Variants in SCHIP1 observed in about 807,000 individuals in gnomAD.
The protein encoded by SCHIP1 is schwannomin interacting protein 1.
SCHIP1 carries 8 observed loss-of-function variants against 29.7 expected under a neutral mutation model. The observed-to-expected ratio is 0.27, with a 90% CI of 0.16 to 0.49. SCHIP1 has a LOEUF of 0.49. Ranked by LOEUF, SCHIP1 falls within the 20% of genes least tolerant of loss-of-function variation. The pLI is 0.99. For synonymous variants in SCHIP1, 76 were observed against 94.9 expected (o/e 0.80, Z 1.16); for missense variants, 193 against 294.6 (o/e 0.66, Z 2.52).
At chr3:159,314,705 C>T in the SCHIP1 span, among the ~76,000 whole-genome samples, 3 of 152,200 alleles carry the variant, frequency 2.0e-5, no homozygotes, top group Admixed American at 6.5e-5. Flanking sequence ...TATTACTAAG[C>T]TGTCATTCCA....
chr3:159,684,072 C>A, the SCHIP1 span, among the ~76,000 whole-genome samples: 1 of 152,150 alleles, frequency 6.6e-6, no homozygotes, highest in African/African-American at 2.4e-5. Context: ...GGGCTTTGAG[C>A]ACACCTTTTA....
chr3:159,704,417 TAAAAAA>T, the SCHIP1 span, among the ~76,000 whole-genome samples: 10 of 92,642 alleles, frequency 1.1e-4, no homozygotes, highest in African/African-American at 3.7e-4. Flanking sequence ...CAATTTTTTC[TAAAAAA>T]AAAAAAAAAA....
chr3:159,463,034 C>T, the SCHIP1 span, among the ~76,000 whole-genome samples: 6 of 151,544 alleles, frequency 4.0e-5, no homozygotes, highest in South Asian at 6.3e-4. Context: ...TATATAGACA[C>T]GGAAAGTCTA....
At chr3:159,568,022 G>A in the SCHIP1 span, among the ~76,000 whole-genome samples, 5 of 151,982 alleles carry the variant, frequency 3.3e-5, no homozygotes, top group Non-Finnish European at 7.4e-5. Flanking sequence ...TACAGATTTT[G>A]TTAGATTTAT....
chr3:159,879,770 AACCAAC>A (rs1293811058), intron 2 of SCHIP1, among the ~76,000 whole-genome samples: 1 of 152,234 alleles, frequency 6.6e-6, no homozygotes, highest in African/African-American at 2.4e-5. Flanking sequence ...GTAGAATTAG[AACCAAC>A]AGCCGTCTGA....
chr3:159,380,909 G>A, the SCHIP1 span, among the ~76,000 whole-genome samples: 1 of 152,118 alleles, frequency 6.6e-6, no homozygotes, highest in African/African-American at 2.4e-5. Context: ...AGTAAAAGAC[G>A]TGTTGTATAT....
At chr3:159,480,956 ACAGT>A in the SCHIP1 span, among the ~76,000 whole-genome samples, 1 of 152,058 alleles carries the variant, frequency 6.6e-6, no homozygotes, top group Non-Finnish European at 1.5e-5. Context: ...GTGGAAAATT[ACAGT>A]CAAAGGGGGT....
the SCHIP1 span, among the ~76,000 whole-genome samples, chr3:159,684,550 A>G: frequency 6.6e-6 from 1 of 152,142 alleles, no homozygotes; most frequent in Admixed American, 6.6e-5. Flanking sequence ...TCATGCCTGT[A>G]ATCCCAGCAC....
the SCHIP1 span, among the ~76,000 whole-genome samples, chr3:159,468,899 TG>T: frequency 6.6e-6 from 1 of 151,602 alleles, no homozygotes; most frequent in Admixed American, 6.6e-5. Flanking sequence ...CCCAAGTAGC[TG>T]GGACTACAGG....
chr3:159,591,792 G>C, the SCHIP1 span, among the ~76,000 whole-genome samples: 1 of 151,908 alleles, frequency 6.6e-6, no homozygotes, highest in Non-Finnish European at 1.5e-5. Flanking sequence ...AGGGGAGGGA[G>C]AGCATTAGGA....
intron 5 of SCHIP1, among the ~76,000 whole-genome samples, chr3:159,889,869 G>C (rs1204505420): frequency 6.6e-6 from 1 of 152,156 alleles, no homozygotes; most frequent in African/African-American, 2.4e-5. Flanking sequence ...GGCCGAGGTG[G>C]GCAGATCACG....
the SCHIP1 span, among the ~76,000 whole-genome samples, chr3:159,522,711 A>T: frequency 7.9e-3 from 1,198 of 152,288 alleles, 22 homozygotes; most frequent in Admixed American, 0.044. Context: ...TCTATTAAAA[A>T]TACAAAAATT....
chr3:159,622,494 A>G, the SCHIP1 span, among the ~76,000 whole-genome samples: 1 of 152,206 alleles, frequency 6.6e-6, no homozygotes, highest in Non-Finnish European at 1.5e-5. Context: ...CAGTATCACT[A>G]GAGTTCTTTT....
the SCHIP1 span, among the ~76,000 whole-genome samples, chr3:159,452,099 A>G: frequency 6.6e-6 from 1 of 151,920 alleles, no homozygotes; most frequent in Non-Finnish European, 1.5e-5. Context: ...ACTTAGCTGT[A>G]ACAATAAAAA....
the SCHIP1 span, among the ~76,000 whole-genome samples, chr3:159,421,396 G>C: frequency 6.6e-6 from 1 of 152,158 alleles, no homozygotes; most frequent in African/African-American, 2.4e-5. Flanking sequence ...AGGAATCCTG[G>C]GATGTTGTGG....
At chr3:159,345,446 G>T in the SCHIP1 span, among the ~76,000 whole-genome samples, 1 of 152,084 alleles carries the variant, frequency 6.6e-6, no homozygotes, top group East Asian at 1.9e-4. Flanking sequence ...TTAGAGCTGG[G>T]CATCCTGAAG....
At chr3:159,742,889 G>A in the SCHIP1 span, among the ~76,000 whole-genome samples, 4 of 122,812 alleles carry the variant, frequency 3.3e-5, no homozygotes, top group African/African-American at 1.3e-4. Context: ...GTTTTGCCAT[G>A]TTGGCCAGCC....
chr3:159,776,392 A>C, the SCHIP1 span, among the ~76,000 whole-genome samples: 99,704 of 148,432 alleles, frequency 0.67, 33,578 homozygotes, highest in East Asian at 0.99. Context: ...ACAAAGCTTC[A>C]ACAGTGTGGA....
chr3:159,291,806 A>G, the SCHIP1 span, among the ~76,000 whole-genome samples: 8 of 152,184 alleles, frequency 5.3e-5, no homozygotes, highest in Non-Finnish European at 1.2e-4. Context: ...CAAAGAAGCC[A>G]ACTGAAAAAC....
Sources: gnomAD v4.1 joint callset for allele counts (sites outside exome capture counted in the v4.1 genomes callset) on GRCh38, gnomAD v4.1.1 for gene constraint, MANE v1.5 for transcripts, NCBI Gene and HGNC (gene_info 2026-07-23, HGNC 2026-07-21) for gene names.